Variants in B4GALNT3 observed in about 807,000 individuals in gnomAD.
The protein encoded by B4GALNT3 is beta-1,4-N-acetyl-galactosaminyltransferase 3, also known as beta-1,4-N-acetylgalactosaminyltransferase 3.
Under a neutral mutation model 120.2 loss-of-function variants are expected in B4GALNT3, and 86 were observed. The observed-to-expected ratio is 0.72, with a 90% CI of 0.60 to 0.86. The LOEUF (loss-of-function observed/expected upper bound fraction) is 0.86. Ranked by LOEUF, B4GALNT3 falls within the 40% of genes least tolerant of loss-of-function variation. B4GALNT3 has a pLI of 0.00. For missense variants in B4GALNT3, 1,167 were observed against 1,298.9 expected (o/e 0.90, Z 1.56); for synonymous variants, 518 against 510.4 (o/e 1.01, Z -0.20).
At chr12:559,511 C>G in intron 19 of B4GALNT3, 90 bp downstream of exon 19, 2 of 1,559,860 alleles carry the variant, frequency 1.3e-6, no homozygotes, top group Non-Finnish European at 1.7e-6. Flanking sequence ...AGCTGTCCCC[C>G]TCGGCCGCAG....
chr12:512,481 A>C (rs1449418668), intron 1 of B4GALNT3, among the ~76,000 whole-genome samples: 2 of 90,770 alleles, frequency 2.2e-5, no homozygotes, highest in Non-Finnish European at 4.3e-5. Context: ...CCCACCTTCC[A>C]CCTTCCGCCT....
At chr12:539,950 ACT>A (rs759525726) in intron 3 of B4GALNT3, among the ~76,000 whole-genome samples, 1 of 152,208 alleles carries the variant, frequency 6.6e-6, no homozygotes, top group African/African-American at 2.4e-5. Context: ...GTACCTCGAA[ACT>A]CTGAACAGGA....
At position 548,709 on chromosome 12, in the gene B4GALNT3, A is replaced by C. The variant is rs1947038322; in HGVS notation, c.853+412A>C. Among the ~76,000 whole-genome samples, 3 of 152,296 alleles carry C rather than the reference A, an allele frequency of 2.0e-5. No homozygotes were observed. The South Asian group carries it at 6.2e-4, about 32-fold the overall frequency. On this transcript the variant is annotated intron_variant, in intron 9 of 19. Transcript: ENST00000266383. This position sits in a 1 kb window ranked among gnomAD's most constrained non-coding sequence, Gnocchi z 4.9. ...AGGATTGCTTGAGCCCAGGAGTTCG[A>C]GACCAGCCCAGGCCACATAGCGACA...
Position 554,437 on chromosome 12 carries a change from G to A in B4GALNT3, c.2060+454G>A, listed in dbSNP as rs201938936. 3.3e-5 allele frequency among the ~76,000 whole-genome samples: 5 copies of A among 152,266 alleles called. No individual in the cohort carries two copies. In the East Asian group the frequency reaches 7.7e-4, roughly 23 times the overall value. Reference sequence around the variant, plus strand: ...CATTCAACCAGTCAACATTTTTTACGATAAAATTTATATAACATTAAAATC... The same window carrying A: ...CATTCAACCAGTCAACATTTTTTACAATAAAATTTATATAACATTAAAATC... On this transcript the variant is annotated intron_variant, in intron 14 of 19. Coordinates refer to ENST00000266383, the MANE Select transcript of B4GALNT3 (RefSeq NM_173593.4).
At chr12:551,111 C>A in intron 11 of B4GALNT3, 80 bp downstream of exon 11, 1 of 1,215,968 alleles carries the variant, frequency 8.2e-7, no homozygotes, top group Non-Finnish European at 1.2e-6. Context: ...GGTGGTGAGG[C>A]TGACTTTCCC....
chr12:525,086 TTTTATTTATTTATTTA>T (rs575604135), intron 1 of B4GALNT3, among the ~76,000 whole-genome samples: 3 of 130,616 alleles, frequency 2.3e-5, no homozygotes, highest in African/African-American at 5.0e-5. Flanking sequence ...AATAACACAA[TTTTATTTATTTATTTA>T]TTTATTTATT....
Position 460,250 on chromosome 12 carries a change from A to G in B4GALNT3, c.-127A>G. On this transcript the variant is annotated 5_prime_UTR_variant, in exon 1 of 20. Transcript: ENST00000266383. The surrounding 1 kb of genome is among the most constrained non-coding windows in gnomAD (Gnocchi z 8.0). Reference sequence around the variant, plus strand: ...CCCCGCCGGAGAGCGGCCGGGAGAGACGGCCTCGGCGCAGCCCTGAGACGC... The same window carrying G: ...CCCCGCCGGAGAGCGGCCGGGAGAGGCGGCCTCGGCGCAGCCCTGAGACGC... 5 of 716,140 alleles carry G rather than the reference A, an allele frequency of 7.0e-6. No individual in the cohort carries two copies. The highest frequency in any genetic ancestry group is 8.5e-6 in the Non-Finnish European group (5 of 586,204). 44.4% of individuals were successfully genotyped at this position (716,140 alleles called of 1,614,324 possible).
At chr12:536,426 A>T in intron 3 of B4GALNT3, 131 bp downstream of exon 3, 1 of 643,708 alleles carries the variant, frequency 1.6e-6, no homozygotes, top group Non-Finnish European at 2.6e-6. Context: ...GAGCTAAAAA[A>T]TAATGTTTAT....
At chr12:511,472 TCTTCCA>T (rs1946558492) in intron 1 of B4GALNT3, among the ~76,000 whole-genome samples, 1 of 27,040 alleles carries the variant, frequency 3.7e-5, no homozygotes, top group Admixed American at 4.6e-4. Flanking sequence ...CCTTCCACCT[TCTTCCA>T]CCTTCTTCCA....
chr12:511,151 T>C (rs1946545811), intron 1 of B4GALNT3, among the ~76,000 whole-genome samples: 1 of 149,610 alleles, frequency 6.7e-6, no homozygotes, highest in Non-Finnish European at 1.5e-5. Context: ...CACCTCTGCC[T>C]CCTGAGCAGC....
rs1010352983 is a variant in B4GALNT3 at position 556,808 on chromosome 12, G to A, written c.2322G>A (p.Leu774=). Residue 774 remains leucine (L), a synonymous_variant, in exon 15 of 20, where the codon CTG becomes CTA. Coordinates refer to ENST00000266383, the MANE Select transcript of B4GALNT3 (RefSeq NM_173593.4). ...VLNTRAQEPK[L]CWPQGFSWSH... The stretch of plus-strand genomic sequence containing the variant: ...ATACCCGGGCCCAAGAGCCCAAGCT[G>A]TGCTGGCCTCAGGGTTTCTCCTGGA... The A allele has an allele frequency of 6.2e-7, 1 of 1,613,644 alleles. No homozygotes were observed. The highest frequency in any genetic ancestry group is 8.5e-7 in the Non-Finnish European group (1 of 1,179,950).
Position 551,042 on chromosome 12 carries a change from G to C in B4GALNT3, c.1107+11G>C. On this transcript the variant is annotated intron_variant, in intron 11 of 19. Coordinates refer to ENST00000266383, the MANE Select transcript of B4GALNT3 (RefSeq NM_173593.4). ...CAGGGACTCCGGTTTGTAAGTCTTG[G>C]GCCTGGGTCATGGAGAGCAGGGCTG... The C allele has an allele frequency of 6.3e-7, 1 of 1,591,210 alleles. No individual in the cohort carries two copies. The highest frequency in any genetic ancestry group is 8.6e-7 in the Non-Finnish European group (1 of 1,159,468).
rs757838238 is a variant in B4GALNT3 at position 553,644 on chromosome 12, G to A, written c.1721G>A (p.Arg574Gln). Residue 574 changes from arginine to glutamine, a missense_variant, in exon 14 of 20, where the codon CGG becomes CAG. Around this residue, in one of 3 missense-constraint regions of B4GALNT3, gnomAD observed 983 missense variants for 1,102.5 expected, o/e 0.89. Coordinates refer to ENST00000266383, the MANE Select transcript of B4GALNT3 (RefSeq NM_173593.4). ...QVESYIAEQR[R>Q]GDRMRPQAPG... ...GAGTCGTACATCGCAGAGCAGAGAC[G>A]GGGTGACAGGATGCGGCCTCAGGCC... 5.6e-6 allele frequency: 9 copies of A among 1,614,022 alleles called. No individual in the cohort carries two copies. The highest frequency in any genetic ancestry group is 2.2e-5 in the South Asian group (2 of 91,092).
chr12:497,745 C>T (rs1039647290), intron 1 of B4GALNT3, among the ~76,000 whole-genome samples: 1 of 152,146 alleles, frequency 6.6e-6, no homozygotes, highest in Non-Finnish European at 1.5e-5. Flanking sequence ...GCTTGACCTC[C>T]CGCTCTTTGT....
chr12:472,848 G>T (rs1179123272), intron 1 of B4GALNT3, among the ~76,000 whole-genome samples: 3 of 152,206 alleles, frequency 2.0e-5, no homozygotes, highest in African/African-American at 7.2e-5. Flanking sequence ...CTCCAAAACT[G>T]CTGGGATTAC....
chr12:505,636 A>ATG (rs1351753344), intron 1 of B4GALNT3, among the ~76,000 whole-genome samples: 2 of 152,046 alleles, frequency 1.3e-5, no homozygotes, highest in Non-Finnish European at 2.9e-5. Context: ...CATTTTCAGA[A>ATG]TGTTCCCACT....
chr12:551,040 T>TA lies in B4GALNT3; in HGVS notation c.1107+9_1107+10insA. On this transcript the variant is annotated intron_variant, in intron 11 of 19. Transcript: ENST00000266383. ...ACCAGGGACTCCGGTTTGTAAGTCT[T>TA]GGGCCTGGGTCATGGAGAGCAGGGC... The TA allele has an allele frequency of 6.3e-7, 1 of 1,591,782 alleles. No homozygotes were observed. The highest frequency in any genetic ancestry group is 8.6e-7 in the Non-Finnish European group (1 of 1,159,964).
chr12:536,362 G>A, intron 3 of B4GALNT3, 67 bp downstream of exon 3: 2 of 1,396,502 alleles, frequency 1.4e-6, no homozygotes, highest in Non-Finnish European at 2.0e-6. Context: ...GATAATTCCA[G>A]AGATCACAGA....
chr12:506,119 T>A (rs1171484939), intron 1 of B4GALNT3, among the ~76,000 whole-genome samples: 1 of 148,254 alleles, frequency 6.7e-6, no homozygotes, highest in African/African-American at 2.5e-5. Context: ...TTTTTTTTTT[T>A]AGGAACTATT....
Sources: allele counts gnomAD v4.1 joint callset (sites outside exome capture counted in the v4.1 genomes callset), GRCh38; gene constraint gnomAD v4.1.1; regional missense constraint gnomAD v4.1.1; non-coding constraint Gnocchi (gnomAD v3.1); transcripts MANE v1.5; gene names NCBI Gene and HGNC (gene_info 2026-07-23, HGNC 2026-07-21).